TPP2: variants seen among roughly 807,000 people sequenced by gnomAD.
The protein encoded by TPP2 is tripeptidyl peptidase 2, also known as tripeptidyl-peptidase 2.
TPP2 carries 34 observed loss-of-function variants against 155.9 expected under a neutral mutation model. That is an observed-to-expected ratio of 0.22 (90% CI 0.17 to 0.29). The LOEUF (loss-of-function observed/expected upper bound fraction) is 0.29. Ranked by LOEUF, TPP2 falls within the 10% of genes least tolerant of loss-of-function variation. The pLI, the probability that TPP2 is intolerant of heterozygous loss-of-function variation, is 1.00. For synonymous variants in TPP2, 510 were observed against 529.4 expected (o/e 0.96, Z 0.50); for missense variants, 1,028 against 1,522.3 (o/e 0.68, Z 5.40).
intron 9 of TPP2, among the ~76,000 whole-genome samples, 191 bp downstream of exon 9, chr13:102,629,800 A>T (rs1307432947): frequency 6.6e-6 from 1 of 152,232 alleles, no homozygotes; most frequent in Non-Finnish European, 1.5e-5. Flanking sequence ...GGACTGAAAT[A>T]AGTGGTTTCA....
chr13:102,669,538 A>G (rs918784382), intron 27 of TPP2, among the ~76,000 whole-genome samples: 2 of 152,218 alleles, frequency 1.3e-5, no homozygotes, highest in Middle Eastern at 3.2e-3. Context: ...ATGCATGTAC[A>G]TATCCTAGTT....
chr13:102,638,119 A>C (rs1329057333), intron 14 of TPP2, 120 bp from the exon 15 acceptor site: 1 of 904,600 alleles, frequency 1.1e-6, no homozygotes, highest in African/African-American at 1.7e-5. Context: ...ATTGGTGTCA[A>C]CCTCTGGTTA....
intron 3 of TPP2, 83 bp from the exon 4 acceptor site, chr13:102,616,313 A>G (rs1880719927): frequency 1.7e-6 from 2 of 1,150,332 alleles, no homozygotes; most frequent in South Asian, 1.5e-5. Flanking sequence ...AACTGTACCA[A>G]CAAAGTCCAC....
intron 27 of TPP2, among the ~76,000 whole-genome samples, chr13:102,668,311 T>A (rs1206460560): frequency 6.6e-6 from 1 of 152,202 alleles, no homozygotes; most frequent in Non-Finnish European, 1.5e-5. Flanking sequence ...TCTTTCCCTC[T>A]AACTTTTACC....
intron 28 of TPP2, among the ~76,000 whole-genome samples, chr13:102,674,860 T>C (rs1419617332): frequency 6.6e-6 from 1 of 152,198 alleles, no homozygotes; most frequent in African/African-American, 2.4e-5. Flanking sequence ...TGGGGGCAGG[T>C]TGAGGAGACA....
Position 102,647,361 on chromosome 13 carries a change from G to C in TPP2, c.2628+17G>C, listed in dbSNP as rs1883178165. 1 of 1,603,522 alleles carries C rather than the reference G, an allele frequency of 6.2e-7. No individual in the cohort carries two copies. Among genetic ancestry groups the C allele is most frequent in the East Asian group, 2.2e-5 (1 of 44,618 alleles). ...CCACATCAGGTATAAAATTGATGGT[G>C]ATTTTTAGAATTAACGGAAGCTGTT... On this transcript the variant is annotated intron_variant, in intron 21 of 29. Transcript: ENST00000376052.
intron 23 of TPP2, among the ~76,000 whole-genome samples, chr13:102,651,082 T>C (rs1345630398): frequency 6.6e-6 from 1 of 152,232 alleles, no homozygotes; most frequent in African/African-American, 2.4e-5. Flanking sequence ...TTTTAAGAAA[T>C]GCTTTTATAA....
chr13:102,674,608 C>T, intron 28 of TPP2, 118 bp downstream of exon 28: 1 of 950,660 alleles, frequency 1.1e-6, no homozygotes. Flanking sequence ...ACGCTGGGCT[C>T]TGAATATGAC....
intron 24 of TPP2, among the ~76,000 whole-genome samples, chr13:102,653,469 T>C (rs889111311): frequency 1.3e-5 from 2 of 152,188 alleles, no homozygotes; most frequent in African/African-American, 4.8e-5. Flanking sequence ...CGTAGCTCAC[T>C]GTTGCCTCCA....
chr13:102,597,697 T>A (rs1879078832), intron 1 of TPP2, among the ~76,000 whole-genome samples: 1 of 152,224 alleles, frequency 6.6e-6, no homozygotes, highest in Non-Finnish European at 1.5e-5. Context: ...AGACACCAGA[T>A]AGGCAACTGA....
rs759299420 is a variant in TPP2, at chr13:102,616,514, G to A, written c.495+14G>A. ...GGCTCTTCTCAAGTTGGTGCTAGTC[G>A]ATTTCATTTAAACATTACCCTAGAA... On this transcript the variant is annotated intron_variant, in intron 4 of 29. Transcript: ENST00000376052. The A allele has an allele frequency of 2.5e-6, 4 of 1,597,844 alleles. No homozygotes were observed. Among genetic ancestry groups the A allele is most frequent in the African/African-American group, 1.3e-5 (1 of 74,436 alleles).
At position 102,636,305 on chromosome 13, in the gene TPP2, C is replaced by T. The variant is rs1882374361; in HGVS notation, c.1591C>T (p.Arg531Cys). 1 of 1,613,756 alleles carries T rather than the reference C, an allele frequency of 6.2e-7. No individual in the cohort carries two copies. The highest frequency in any genetic ancestry group is 8.5e-7 in the Non-Finnish European group (1 of 1,179,884). Reference sequence around the variant, plus strand: ...TTTTACTGTTACTGTTGGAAATAACCGTGGCATCTACCTCCGAGATCCTGT... The same window carrying T: ...TTTTACTGTTACTGTTGGAAATAACTGTGGCATCTACCTCCGAGATCCTGT... ...LGFTVTVGNN[R>C]GIYLRDPVQV... is the part of the protein sequence containing the mutation. Residue 531 changes from arginine (R) to cysteine (C), a missense_variant, in exon 13 of 30, where the codon CGT (arginine) becomes TGT (cysteine). Arg to Cys is a radical substitution (Grantham distance 180, BLOSUM62 -3). Coordinates refer to ENST00000376052, the MANE Select transcript of TPP2 (RefSeq NM_001330588.2).
chr13:102,656,910 T>C, intron 24 of TPP2, 146 bp from the exon 25 acceptor site: 1 of 673,998 alleles, frequency 1.5e-6, no homozygotes, highest in Non-Finnish European at 2.3e-6. Flanking sequence ...TTGGAATTTT[T>C]GGTGTATTGT....
chr13:102,625,061 T>C (rs989525480), intron 6 of TPP2, among the ~76,000 whole-genome samples: 3 of 151,644 alleles, frequency 2.0e-5, no homozygotes, highest in Non-Finnish European at 4.4e-5. Context: ...GGTTTCACCA[T>C]GTTGGTCAGG....
rs545753711 is a variant in TPP2, at chr13:102,626,002, C to G, written c.785-1010C>G. ...AACATGTACAAAAACAGATACAAATCACAAGTTGTACAACTCTTTGAATTA... is the reference window on the plus strand; with the variant it reads ...AACATGTACAAAAACAGATACAAATGACAAGTTGTACAACTCTTTGAATTA... On this transcript the variant is annotated intron_variant, in intron 6 of 29. Coordinates refer to ENST00000376052, the MANE Select transcript of TPP2 (RefSeq NM_001330588.2). Among the ~76,000 whole-genome samples the G allele has an allele frequency of 1.2e-4, 18 of 152,324 alleles. No homozygotes were observed. The South Asian group carries it at 2.5e-3, about 21-fold the overall frequency.
intron 5 of TPP2, among the ~76,000 whole-genome samples, chr13:102,622,396 A>G (rs1244541789): frequency 6.6e-6 from 1 of 152,256 alleles, no homozygotes; most frequent in Non-Finnish European, 1.5e-5. Context: ...AAAGTAATGT[A>G]GAAAATGCCT....
intron 24 of TPP2, chr13:102,655,133 G>T: frequency 2.2e-6 from 1 of 454,672 alleles, no homozygotes; most frequent in South Asian, 1.6e-5. Context: ...ATGAGTCAGT[G>T]TGGAGATAGG....
chr13:102,626,002 C>A (rs545753711), intron 6 of TPP2, among the ~76,000 whole-genome samples: 1 of 152,206 alleles, frequency 6.6e-6, no homozygotes, highest in East Asian at 1.9e-4. Flanking sequence ...AGATACAAAT[C>A]ACAAGTTGTA....
intron 25 of TPP2, 143 bp from the exon 26 acceptor site, chr13:102,663,505 T>A: frequency 3.4e-6 from 2 of 580,624 alleles, no homozygotes; most frequent in Admixed American, 7.7e-5. Flanking sequence ...ATAATGATAA[T>A]CCTTGTCAAT....
Sources: gnomAD v4.1 joint callset for allele counts (sites outside exome capture counted in the v4.1 genomes callset) on GRCh38, gnomAD v4.1.1 for gene constraint, MANE v1.5 for transcripts, NCBI Gene and HGNC (gene_info 2026-07-23, HGNC 2026-07-21) for gene names.